The following RBFOX1 variants were observed in gnomAD, a reference collection of about 807,000 sequenced individuals.
RBFOX1 encodes the protein RNA binding fox-1 homolog 1.
Under a neutral mutation model 57.7 loss-of-function variants are expected in RBFOX1, and 8 were observed. That is an observed-to-expected ratio of 0.14 (90% CI 0.08 to 0.25). RBFOX1 has a LOEUF of 0.25. Ranked by LOEUF, RBFOX1 falls within the 10% of genes least tolerant of loss-of-function variation. The pLI is 1.00. For missense variants in RBFOX1, 611 were observed against 548.5 expected, an observed-to-expected ratio of 1.11 and a Z score of -1.14; for synonymous variants, 326 against 222.4, an observed-to-expected ratio of 1.47 and a Z score of -4.15.
At chr16:7,703,478 A>G (rs1349364871) in intron 14 of RBFOX1, among the ~76,000 whole-genome samples, 1 of 152,180 alleles carries the variant, frequency 6.6e-6, no homozygotes, top group Non-Finnish European at 1.5e-5. Context: ...TGGGGAGATG[A>G]TACTAATGGA....
intron 3 of RBFOX1, among the ~76,000 whole-genome samples, chr16:5,608,033 G>A (rs1302415418): frequency 2.0e-5 from 3 of 152,240 alleles, no homozygotes; most frequent in Non-Finnish European, 4.4e-5. Context: ...ATACCTAGGA[G>A]TGTGTCTCTT....
chr16:7,003,453 C>T (rs140911586), intron 3 of RBFOX1, among the ~76,000 whole-genome samples: 3 of 121,778 alleles, frequency 2.5e-5, no homozygotes, highest in African/African-American at 5.4e-5. Flanking sequence ...AGCGAGACTC[C>T]ATCTTAAAAA....
intron 4 of RBFOX1, among the ~76,000 whole-genome samples, chr16:5,967,909 C>G (rs528989836): frequency 6.6e-6 from 1 of 152,214 alleles, no homozygotes; most frequent in East Asian, 1.9e-4. Context: ...GGTATCCCTA[C>G]CATTCCTCTG....
chr16:6,386,214 C>T (rs1025681765), intron 2 of RBFOX1, among the ~76,000 whole-genome samples: 4 of 152,170 alleles, frequency 2.6e-5, no homozygotes, highest in African/African-American at 9.7e-5. Context: ...GGATTACAGG[C>T]GTAAGAACAC....
chr16:5,936,818 G>C (rs1423632492), intron 4 of RBFOX1, among the ~76,000 whole-genome samples: 2 of 152,164 alleles, frequency 1.3e-5, no homozygotes, highest in Non-Finnish European at 2.9e-5. Flanking sequence ...CAAGACAAGA[G>C]CGGCAAAGCA....
At chr16:7,102,875 T>C (rs186845741) in intron 4 of RBFOX1, among the ~76,000 whole-genome samples, 240 of 152,256 alleles carry the variant, frequency 1.6e-3, no homozygotes, top group Admixed American at 5.0e-3. Flanking sequence ...CCAAAACGCA[T>C]GCACTTCAAT....
chr16:6,140,968 C>A (rs1410380357), intron 1 of RBFOX1, among the ~76,000 whole-genome samples: 1 of 151,804 alleles, frequency 6.6e-6, no homozygotes, highest in Non-Finnish European at 1.5e-5. Flanking sequence ...TCTCCCCAAG[C>A]TCTCTGCAGC....
Position 6,957,116 on chromosome 16 carries a change from T to TTTTATTTATTTA in RBFOX1, c.-15-94921_-15-94910dup, listed in dbSNP as rs59003078. Among the ~76,000 whole-genome samples, 1,124 of 139,208 alleles carry TTTTATTTATTTA rather than the reference T, an allele frequency of 8.1e-3. 17 individuals are homozygous for TTTTATTTATTTA. The highest frequency in any genetic ancestry group is 0.015 in the African/African-American group (540 of 36,396). The allele number at this position is 139,208 out of a possible 152,430, so 91.3% of individuals were successfully genotyped here. ...ATTTATTTTATTTTTTTATTTTTAT[T>TTTTATTTATTTA]TTTATTTATTTATTTATTTATTTAT... On this transcript the variant is annotated intron_variant, in intron 3 of 15. Transcript: ENST00000550418.
chr16:7,069,629 C>A (rs549460110), intron 4 of RBFOX1, among the ~76,000 whole-genome samples: 224 of 152,230 alleles, frequency 1.5e-3, no homozygotes, highest in South Asian at 3.9e-3. Flanking sequence ...GAATTAACAA[C>A]CCTGGAAAAA....
At chr16:5,747,786 C>G (rs1174401752) in intron 3 of RBFOX1, among the ~76,000 whole-genome samples, 3 of 152,188 alleles carry the variant, frequency 2.0e-5, no homozygotes, top group East Asian at 3.9e-4. Flanking sequence ...ATTAGTCTTG[C>G]TAGTGGTCTA....
intron 3 of RBFOX1, among the ~76,000 whole-genome samples, chr16:5,772,573 C>A (rs1317746820): frequency 6.6e-6 from 1 of 152,106 alleles, no homozygotes; most frequent in Non-Finnish European, 1.5e-5. Context: ...TAAATGTTAG[C>A]ATATCTGCAA....
chr16:7,382,038 C>A (rs543023766), intron 4 of RBFOX1, among the ~76,000 whole-genome samples: 26 of 152,312 alleles, frequency 1.7e-4, no homozygotes, highest in Non-Finnish European at 3.4e-4. Context: ...ATGATCTTTT[C>A]TTGTAGCATT....
At chr16:6,637,576 T>TATATAGAATAGTCTATATAGTAA (rs1464733683) in intron 2 of RBFOX1, among the ~76,000 whole-genome samples, 1 of 138,464 alleles carries the variant, frequency 7.2e-6, no homozygotes, top group Non-Finnish European at 1.5e-5. Flanking sequence ...CTATATAGTA[T>TATATAGAATAGTCTATATAGTAA]ATATATAATA....
At chr16:7,710,420 C>A in intron 15 of RBFOX1, 1 of 1,392,516 alleles carries the variant, frequency 7.2e-7, no homozygotes, top group Non-Finnish European at 9.2e-7. Flanking sequence ...TTTGGTTTTG[C>A]AGGGAATTTC....
At chr16:6,853,095 C>G (rs1312996627) in intron 3 of RBFOX1, among the ~76,000 whole-genome samples, 2 of 152,170 alleles carry the variant, frequency 1.3e-5, no homozygotes, top group Admixed American at 6.5e-5. Flanking sequence ...AGTTCTATCC[C>G]TCCCTCCATA....
chr16:6,842,728 T>C (rs1393849807), intron 3 of RBFOX1, among the ~76,000 whole-genome samples: 1 of 151,574 alleles, frequency 6.6e-6, no homozygotes, highest in East Asian at 1.9e-4. Context: ...TAGGTATACA[T>C]GTGCCATGGT....
At chr16:7,688,260 T>TGTGTGTGTGAGA (rs1319185243) in intron 14 of RBFOX1, among the ~76,000 whole-genome samples, 4 of 125,296 alleles carry the variant, frequency 3.2e-5, no homozygotes, top group African/African-American at 1.2e-4. Flanking sequence ...TGTGTGTGTG[T>TGTGTGTGTGAGA]GAGAGAGAGA....
intron 2 of RBFOX1, among the ~76,000 whole-genome samples, chr16:6,359,743 C>T (rs1203344955): frequency 6.6e-6 from 1 of 152,114 alleles, no homozygotes; most frequent in African/African-American, 2.4e-5. Flanking sequence ...TGTATATAAG[C>T]CAGCCTTATA....
chr16:7,373,295 G>T (rs115608428), intron 4 of RBFOX1, among the ~76,000 whole-genome samples: 1 of 151,990 alleles, frequency 6.6e-6, no homozygotes, highest in East Asian at 1.9e-4. Flanking sequence ...AGGAACATAC[G>T]TTACATTTGA....
Sources: gnomAD v4.1 joint callset for allele counts (sites outside exome capture counted in the v4.1 genomes callset) on GRCh38, gnomAD v4.1.1 for gene constraint, MANE v1.5 for transcripts, NCBI Gene and HGNC (gene_info 2026-07-23, HGNC 2026-07-21) for gene names.